Variants in SEPTIN10 observed in about 807,000 individuals in gnomAD.
The protein encoded by SEPTIN10 is septin-10.
SEPTIN10 carries 66 observed loss-of-function variants against 54.8 expected under a neutral mutation model. That is an observed-to-expected ratio of 1.21 (90% confidence interval 0.99 to 1.48). The LOEUF is 1.48. Among genes scored for constraint, SEPTIN10 ranks in the 40% most tolerant of loss-of-function variants. SEPTIN10 has a pLI of 0.00. For synonymous variants in SEPTIN10, 161 were observed against 181.0 expected (o/e 0.89, Z 0.89); for missense variants, 620 against 545.6 (o/e 1.14, Z -1.36).
Position 109,567,050 on chromosome 2 carries a change from T to C in SEPTIN10, c.762+765A>G, listed in dbSNP as rs920018196. The stretch of plus-strand genomic sequence containing the variant: ...TACAGATTTAGTTTAGGTACACTAA[T>C]ATAAAAGTGGTATGAAAAATCAGAA... On this transcript the variant is annotated intron_variant, in intron 6 of 10. Transcript: ENST00000397712. Among the ~76,000 whole-genome samples, 23 of 152,206 alleles carry C rather than the reference T, an allele frequency of 1.5e-4. 1 individual carries two copies. The highest frequency in any genetic ancestry group is 5.1e-4 in the African/African-American group (21 of 41,538).
intron 4 of SEPTIN10, among the ~76,000 whole-genome samples, chr2:109,579,105 AGAT>A (rs1395202670): frequency 6.6e-6 from 1 of 152,226 alleles, no homozygotes; most frequent in Non-Finnish European, 1.5e-5. Context: ...ATATCATTAC[AGAT>A]GATGAAGACA....
At position 109,548,995 on chromosome 2, in the gene SEPTIN10, T is replaced by G. The variant is rs529480702; in HGVS notation, c.1162-2758A>C. 1.8e-4 allele frequency among the ~76,000 whole-genome samples: 27 copies of G among 152,280 alleles called. No homozygotes were observed. In the South Asian group the frequency reaches 5.6e-3, roughly 32 times the overall value. On this transcript the variant is annotated intron_variant, in intron 9 of 10. Transcript: ENST00000397712. ...AACAGATAATCGATTAAGGCCCTCCTAACATAAGATGCTTTTATTCCAGAG... is the reference window on the plus strand; with the variant it reads ...AACAGATAATCGATTAAGGCCCTCCGAACATAAGATGCTTTTATTCCAGAG...
rs1299268542 is a variant in SEPTIN10 at position 109,574,630 on chromosome 2, T to C, written c.551A>G (p.His184Arg). ...VCLYFISPTG[H>R]SLKTLDLLTM... ...TAAGAGATCAAGTGTCTTCAGAGAGTGGCCTGTCGGTGAAATGAAGTAGAG... is the reference window on the plus strand; with the variant it reads ...TAAGAGATCAAGTGTCTTCAGAGAGCGGCCTGTCGGTGAAATGAAGTAGAG... Residue 184 changes from histidine to arginine, a missense_variant, in exon 5 of 11, where the codon CAC becomes CGC. Coordinates refer to ENST00000397712, the MANE Select transcript of SEPTIN10 (RefSeq NM_144710.5). 4 of 1,604,050 alleles carry C rather than the reference T, an allele frequency of 2.5e-6. No homozygotes were observed. Among genetic ancestry groups the C allele is most frequent in the South Asian group, 1.1e-5 (1 of 89,012 alleles).
intron 1 of SEPTIN10, chr2:109,605,501 G>A (rs1223076121): frequency 1.3e-5 from 2 of 151,964 alleles, no homozygotes; most frequent in African/African-American, 2.4e-5. Context: ...TAAATAAATT[G>A]TACTTGAATA....
At chr2:109,584,214 C>A (rs1031369944) in intron 4 of SEPTIN10, among the ~76,000 whole-genome samples, 7 of 152,152 alleles carry the variant, frequency 4.6e-5, no homozygotes, top group Admixed American at 1.3e-4. Context: ...CAGTTGCTCA[C>A]GCCTGTAATC....
chr2:109,560,390 TG>T (rs1287008490), intron 8 of SEPTIN10, among the ~76,000 whole-genome samples: 2 of 152,158 alleles, frequency 1.3e-5, no homozygotes, highest in Non-Finnish European at 2.9e-5. Flanking sequence ...GTGACACTGC[TG>T]GTTTTCCTCC....
chr2:109,589,306 G>C (rs1443281736), intron 2 of SEPTIN10, among the ~76,000 whole-genome samples: 1 of 152,100 alleles, frequency 6.6e-6, no homozygotes, highest in African/African-American at 2.4e-5. Context: ...GCCAAGGCAG[G>C]CAGGTTACTT....
intron 2 of SEPTIN10, among the ~76,000 whole-genome samples, chr2:109,586,242 G>C (rs1692503484): frequency 6.6e-6 from 1 of 152,172 alleles, no homozygotes; most frequent in African/African-American, 2.4e-5. Context: ...TACAGGTTCA[G>C]CTCCTGGTAA....
At chr2:109,581,863 T>C (rs1691227176) in intron 4 of SEPTIN10, among the ~76,000 whole-genome samples, 1 of 152,018 alleles carries the variant, frequency 6.6e-6, no homozygotes, top group South Asian at 2.1e-4. Context: ...GGCATCCAAA[T>C]AGGAAAAGAA....
rs754707962 is a variant in SEPTIN10, at chr2:109,565,874, C to T, written c.763-15G>A. 9.4e-6 allele frequency: 15 copies of T among 1,601,440 alleles called. No homozygotes were observed. The highest frequency in any genetic ancestry group is 2.2e-5 in the South Asian group (2 of 90,826). ...GGCAACTGTCCCTGAAAAAGAATAT[C>T]GAGCACATCTTCTCATACCACTGTG... is the stretch of plus-strand genomic sequence containing the variant. On this transcript the variant is annotated splice_polypyrimidine_tract_variant and intron_variant, in intron 6 of 10. Transcript: ENST00000397712.
intron 4 of SEPTIN10, 32 bp from the exon 5 acceptor site, chr2:109,574,799 T>C: frequency 6.8e-7 from 1 of 1,467,088 alleles, no homozygotes; most frequent in Non-Finnish European, 9.2e-7. Context: ...TAATACAACA[T>C]TATTTGTGCT....
chr2:109,601,577 CCTT>C (rs926800542), intron 1 of SEPTIN10, among the ~76,000 whole-genome samples: 5 of 152,142 alleles, frequency 3.3e-5, no homozygotes, highest in African/African-American at 4.8e-5. Flanking sequence ...TCAGGGTACT[CCTT>C]CTTTGTTTCT....
intron 9 of SEPTIN10, among the ~76,000 whole-genome samples, chr2:109,550,456 G>T (rs1390606684): frequency 6.6e-6 from 1 of 151,732 alleles, no homozygotes; most frequent in Non-Finnish European, 1.5e-5. Context: ...GGAATTATAG[G>T]CATGTTGCCA....
intron 8 of SEPTIN10, among the ~76,000 whole-genome samples, chr2:109,555,141 A>C (rs1684066917): frequency 6.6e-6 from 1 of 152,152 alleles, no homozygotes; most frequent in Non-Finnish European, 1.5e-5. Context: ...TTTTCCACCA[A>C]AAACACAGAT....
intron 2 of SEPTIN10, among the ~76,000 whole-genome samples, chr2:109,586,248 G>A (rs1014050505): frequency 6.6e-6 from 1 of 152,186 alleles, no homozygotes; most frequent in Non-Finnish European, 1.5e-5. Context: ...TTCAGCTCCT[G>A]GTAATGGCAG....
At chr2:109,590,097 C>CAT (rs1162444721) in intron 2 of SEPTIN10, among the ~76,000 whole-genome samples, 6 of 146,444 alleles carry the variant, frequency 4.1e-5, no homozygotes, top group African/African-American at 7.9e-5. Context: ...TATATACACA[C>CAT]ATATATATGT....
chr2:109,545,652 A>G (rs902235047), intron 10 of SEPTIN10: 3 of 1,494,092 alleles, frequency 2.0e-6, no homozygotes, highest in Non-Finnish European at 2.7e-6. Flanking sequence ...TAATTCCCCA[A>G]CAAAGGGCAC....
At position 109,585,826 on chromosome 2, in the gene SEPTIN10, T is replaced by C; in HGVS notation, c.112A>G (p.Ile38Val). The change falls in exon 3 of 11, where the codon ATT becomes GTT. Residue 38 changes from isoleucine to valine, a missense_variant. Coordinates refer to ENST00000397712, the MANE Select transcript of SEPTIN10 (RefSeq NM_144710.5). The part of the protein sequence containing the change: ...SDDEQIKREN[I>V]RSLTMSGHVG... ...TGGCCAGACATAGTCAACGAACGAA[T>C]GTTTTCTCTTTTCTGAAGGAAAATA... The C allele has an allele frequency of 1.2e-6, 2 of 1,613,600 alleles. No homozygotes were observed. The highest frequency in any genetic ancestry group is 1.7e-6 in the Non-Finnish European group (2 of 1,179,750).
chr2:109,609,017 C>G (rs1339496200), intron 1 of SEPTIN10, among the ~76,000 whole-genome samples: 1 of 152,170 alleles, frequency 6.6e-6, no homozygotes, highest in East Asian at 1.9e-4. Context: ...TAAGAGCATC[C>G]TTCTCCTTCT....
Sources: allele counts gnomAD v4.1 joint callset (sites outside exome capture counted in the v4.1 genomes callset), GRCh38; gene constraint gnomAD v4.1.1; transcripts MANE v1.5; gene names NCBI Gene and HGNC (gene_info 2026-07-23, HGNC 2026-07-21).